The following INO80 variants were observed in gnomAD, a reference collection of about 807,000 sequenced individuals.
The protein encoded by INO80 is chromatin-remodeling ATPase INO80.
In INO80, 20 loss-of-function variants were observed where a neutral mutation model predicts 203.4. The observed-to-expected ratio is 0.10, with a 90% CI of 0.07 to 0.14. INO80 has a LOEUF of 0.14. INO80 is among the 10% of genes least tolerant of loss of function. The pLI, the probability that INO80 is intolerant of heterozygous loss-of-function variation, is 1.00. For missense variants in INO80, 1,419 were observed against 1,914.4 expected, an observed-to-expected ratio of 0.74 and a Z score of 4.83; for synonymous variants, 726 against 685.2, an observed-to-expected ratio of 1.06 and a Z score of -0.93.
intron 18 of INO80, among the ~76,000 whole-genome samples, chr15:41,054,876 G>T (rs1247765434): frequency 6.6e-6 from 1 of 152,140 alleles, no homozygotes; most frequent in Non-Finnish European, 1.5e-5. Context: ...GACCTAACGT[G>T]ATCCGCCCAC....
rs370678934 is a variant in INO80, at chr15:41,087,586, A to G, written c.634T>C (p.Phe212Leu). 2.7e-5 allele frequency: 43 copies of G among 1,613,818 alleles called. No individual in the cohort carries two copies. Among genetic ancestry groups the G allele is most frequent in the Non-Finnish European group, 3.1e-5 (37 of 1,179,952 alleles). The change falls in exon 6 of 36, where the codon TTT becomes CTT. Residue 212 changes from phenylalanine to leucine, a missense_variant. Physicochemically the swap from Phe to Leu is conservative, Grantham distance 22. Around this residue, in one of 9 missense-constraint regions of INO80, gnomAD observed 323 missense variants for 325.4 expected, o/e 0.99. Transcript: ENST00000648947. ...CCTTTAAGTTTCTTTTCCTCCTTAA[A>G]TTTCTTTTTCTTGGGTCCAAGTAGG... is the stretch of plus-strand genomic sequence containing the variant. ...RHLLGPKKKK[F>L]KEEKKLKAKL... is the part of the protein sequence containing the mutation.
chr15:41,058,540 T>C (rs532942850), intron 16 of INO80, 99 bp downstream of exon 16: 4 of 1,048,416 alleles, frequency 3.8e-6, no homozygotes, highest in East Asian at 2.7e-5. Context: ...ATTTTATTCA[T>C]ATATACAAGT....
chr15:41,114,708 C>CAAA lies in INO80; in HGVS notation c.-44+1262_-44+1264dup, dbSNP rs760373123. Among the ~76,000 whole-genome samples, 288 of 65,880 alleles carry CAAA rather than the reference C, an allele frequency of 4.4e-3. 2 individuals carry two copies. Among genetic ancestry groups the CAAA allele is most frequent in the South Asian group, 0.019 (36 of 1,884 alleles). 43.2% of individuals were successfully genotyped at this position (65,880 alleles called of 152,430 possible). A position where few individuals can be genotyped will look rare whatever the true frequency, so the allele number is the denominator to read the frequency against. ...TGGACGACAGAGCGAGACTCAGTCT[C>CAAA]AAAAAAAAAAAAAAAAAGGAATTAA... is the stretch of plus-strand genomic sequence containing the variant. On this transcript the variant is annotated intron_variant, in intron 1 of 35. Transcript: ENST00000648947.
At chr15:41,084,827 C>T (rs112173100) in intron 7 of INO80, among the ~76,000 whole-genome samples, 46 of 152,310 alleles carry the variant, frequency 3.0e-4, no homozygotes, top group African/African-American at 1.1e-3. Flanking sequence ...GCAGCCTCAA[C>T]CTCCTGGGCT....
At position 41,046,224 on chromosome 15, in the gene INO80, T is replaced by C. The variant is rs1221030868; in HGVS notation, c.2736-1149A>G. On this transcript the variant is annotated intron_variant, in intron 23 of 35. Coordinates refer to ENST00000648947, the MANE Select transcript of INO80 (RefSeq NM_017553.3). ...ATACATACATATATATATATATATA[T>C]ATATATATATATATATATATATATA... is the stretch of plus-strand genomic sequence containing the variant. 4.6e-4 allele frequency among the ~76,000 whole-genome samples: 7 copies of C among 15,352 alleles called. 1 individual carries two copies. The highest frequency in any genetic ancestry group is 8.1e-4 in the African/African-American group (7 of 8,594). The allele number at this position is 15,352 out of a possible 152,430, so 10.1% of individuals were successfully genotyped here.
At chr15:41,098,210 C>T (rs1480062749) in intron 1 of INO80, among the ~76,000 whole-genome samples, 1 of 152,036 alleles carries the variant, frequency 6.6e-6, no homozygotes. Flanking sequence ...CTTTTTTTTA[C>T]AATTTTCTAA....
At chr15:41,011,384 T>C (rs367895070) in intron 27 of INO80, among the ~76,000 whole-genome samples, 2 of 152,330 alleles carry the variant, frequency 1.3e-5, no homozygotes, top group East Asian at 3.9e-4. Flanking sequence ...CTCCACTAAA[T>C]AGATTCCTTA....
chr15:41,046,844 C>T (rs1288016321), intron 23 of INO80, among the ~76,000 whole-genome samples: 2 of 151,970 alleles, frequency 1.3e-5, no homozygotes, highest in Admixed American at 6.5e-5. Flanking sequence ...TCTTGAACTC[C>T]TGACCTTAAG....
At chr15:40,989,965 C>T (rs892780291) in intron 29 of INO80, among the ~76,000 whole-genome samples, 41 of 152,252 alleles carry the variant, frequency 2.7e-4, no homozygotes, top group African/African-American at 9.6e-4. Context: ...CTAGGAAGCT[C>T]GCCCTGTTTT....
intron 14 of INO80, among the ~76,000 whole-genome samples, chr15:41,061,096 T>TTA (rs2045096646): frequency 1.3e-5 from 2 of 152,064 alleles, no homozygotes; most frequent in Non-Finnish European, 2.9e-5. Context: ...CACCTGAGCA[T>TTA]GGGAGTTTCA....
chr15:41,092,358 A>G (rs2045658254), intron 4 of INO80, among the ~76,000 whole-genome samples, 176 bp from the exon 5 acceptor site: 1 of 152,254 alleles, frequency 6.6e-6, no homozygotes, highest in Non-Finnish European at 1.5e-5. Context: ...TACTAATTAA[A>G]CTTAGGGAAT....
intron 24 of INO80, among the ~76,000 whole-genome samples, chr15:41,035,900 G>A (rs1184870138): frequency 1.3e-5 from 2 of 149,652 alleles, no homozygotes; most frequent in East Asian, 3.9e-4. Context: ...AGGCCAAGGT[G>A]GGCAGATCAC....
intron 1 of INO80, among the ~76,000 whole-genome samples, chr15:41,114,221 C>G (rs1449478737): frequency 6.6e-6 from 1 of 151,026 alleles, no homozygotes; most frequent in Non-Finnish European, 1.5e-5. Flanking sequence ...GAGCCGAGAT[C>G]ACGCCACTAT....
At chr15:41,020,586 C>A (rs1033885589) in intron 26 of INO80, among the ~76,000 whole-genome samples, 2 of 151,860 alleles carry the variant, frequency 1.3e-5, no homozygotes, top group East Asian at 3.9e-4. Context: ...GGCAATGGCA[C>A]AAGACAACCG....
At chr15:41,038,101 G>A (rs1024535084) in intron 24 of INO80, among the ~76,000 whole-genome samples, 3 of 129,770 alleles carry the variant, frequency 2.3e-5, no homozygotes, top group African/African-American at 5.9e-5. Flanking sequence ...TGCAACCTTC[G>A]TCTCCCGTTT....
chr15:41,031,953 C>CACAGG (rs2044483638), intron 24 of INO80, among the ~76,000 whole-genome samples: 1 of 79,132 alleles, frequency 1.3e-5, no homozygotes, highest in African/African-American at 4.4e-5. Context: ...CACAGCACAG[C>CACAGG]ACAGCACAGG....
At chr15:41,092,926 T>C (rs1031862721) in intron 4 of INO80, among the ~76,000 whole-genome samples, 2 of 152,040 alleles carry the variant, frequency 1.3e-5, no homozygotes, top group South Asian at 2.1e-4. Flanking sequence ...TCCCAGCTAC[T>C]TGGGAGACAG....
At chr15:41,083,353 T>A (rs1019958329) in intron 7 of INO80, among the ~76,000 whole-genome samples, 1 of 148,564 alleles carries the variant, frequency 6.7e-6, no homozygotes, top group African/African-American at 2.5e-5. Context: ...GGAAAAAAAA[T>A]TTTAATTTTA....
At chr15:41,059,462 A>G (rs1420405204) in intron 15 of INO80, among the ~76,000 whole-genome samples, 5 of 150,702 alleles carry the variant, frequency 3.3e-5, no homozygotes, top group Non-Finnish European at 4.4e-5. Flanking sequence ...ACATCTCTAT[A>G]AAAAATACAA....
Sources: allele counts gnomAD v4.1 joint callset (sites outside exome capture counted in the v4.1 genomes callset), GRCh38; gene constraint gnomAD v4.1.1; regional missense constraint gnomAD v4.1.1; transcripts MANE v1.5; gene names NCBI Gene and HGNC (gene_info 2026-07-23, HGNC 2026-07-21).